The following SCAPER variants were observed in gnomAD, a reference collection of about 807,000 sequenced individuals.
SCAPER encodes the protein S phase cyclin A-associated protein in the endoplasmic reticulum.
SCAPER carries 98 observed loss-of-function variants against 182.2 expected under a neutral mutation model. The observed-to-expected ratio is 0.54, with a 90% CI of 0.46 to 0.64. SCAPER has a LOEUF of 0.64. SCAPER is among the 30% of genes least tolerant of loss of function. SCAPER has a pLI of 0.00. For missense variants in SCAPER, 1,432 were observed against 1,690.0 expected, an observed-to-expected ratio of 0.85 and a Z score of 2.68; for synonymous variants, 605 against 564.6, an observed-to-expected ratio of 1.07 and a Z score of -1.01.
At chr15:76,435,519 TC>T (rs2047143680) in intron 25 of SCAPER, among the ~76,000 whole-genome samples, 1 of 152,160 alleles carries the variant, frequency 6.6e-6, no homozygotes, top group South Asian at 2.1e-4. Flanking sequence ...CCACCCTCTT[TC>T]TCTAACCTAG....
chr15:76,538,763 A>G (rs968882132), intron 23 of SCAPER, among the ~76,000 whole-genome samples: 54 of 152,308 alleles, frequency 3.5e-4, no homozygotes, highest in African/African-American at 1.3e-3. Flanking sequence ...TTTATCGATC[A>G]TGCCTAGTTT....
chr15:76,865,705 A>G (rs1437193456), intron 2 of SCAPER, among the ~76,000 whole-genome samples: 1 of 152,132 alleles, frequency 6.6e-6, no homozygotes, highest in African/African-American at 2.4e-5. Context: ...CAACTCGCCA[A>G]CTAATATCCA....
At chr15:76,619,801 G>A (rs1408411189) in intron 22 of SCAPER, among the ~76,000 whole-genome samples, 1 of 151,966 alleles carries the variant, frequency 6.6e-6, no homozygotes, top group Admixed American at 6.6e-5. Context: ...TTAAAGGTCG[G>A]GCACGATGGC....
chr15:76,622,783 T>C (rs1225973337), intron 21 of SCAPER, among the ~76,000 whole-genome samples: 1 of 152,198 alleles, frequency 6.6e-6, no homozygotes, highest in Non-Finnish European at 1.5e-5. Flanking sequence ...ATATCACAAG[T>C]ATCTAAAAAT....
Position 76,529,670 on chromosome 15 carries a change from T to C in SCAPER, c.2839-24696A>G, listed in dbSNP as rs201536265. The stretch of plus-strand genomic sequence containing the variant: ...ATGCAACTATCTTGAGAAAGAACTT[T>C]CAGGCAGAGAGAAGAGTAAGTGCCA... On this transcript the variant is annotated intron_variant, in intron 23 of 31. Transcript: ENST00000563290. Among the ~76,000 whole-genome samples, 21 of 152,290 alleles carry C rather than the reference T, an allele frequency of 1.4e-4. No homozygotes were observed. In the East Asian group the frequency reaches 2.9e-3, roughly 21 times the overall value.
intron 15 of SCAPER, among the ~76,000 whole-genome samples, chr15:76,737,842 C>T (rs1293553596): frequency 6.6e-6 from 1 of 152,184 alleles, no homozygotes; most frequent in Non-Finnish European, 1.5e-5. Context: ...AAGAATCAAC[C>T]TCTGCTATCT....
At chr15:76,707,701 G>A (rs2059329410) in intron 17 of SCAPER, among the ~76,000 whole-genome samples, 1 of 152,176 alleles carries the variant, frequency 6.6e-6, no homozygotes, top group South Asian at 2.1e-4. Flanking sequence ...CAGAACTACA[G>A]AGAAAATCAG....
At chr15:76,449,653 T>C (rs1459313535) in intron 25 of SCAPER, among the ~76,000 whole-genome samples, 1 of 152,212 alleles carries the variant, frequency 6.6e-6, no homozygotes, top group Non-Finnish European at 1.5e-5. Flanking sequence ...CTTATTTCCC[T>C]CTATCTGGTG....
Position 76,832,651 on chromosome 15 carries a change from T to A in SCAPER, c.393+9083A>T, listed in dbSNP as rs536910584. 1.4e-4 allele frequency among the ~76,000 whole-genome samples: 21 copies of A among 152,288 alleles called. No individual in the cohort carries two copies. In the South Asian group the frequency reaches 3.1e-3, roughly 23 times the overall value. ...GGCCTAGTGGGAGGTGACTGAATCATGAGGGTGAATCCTTTATGAACGGCT... is the reference window on the plus strand; with the variant it reads ...GGCCTAGTGGGAGGTGACTGAATCAAGAGGGTGAATCCTTTATGAACGGCT... On this transcript the variant is annotated intron_variant, in intron 5 of 31. Coordinates refer to ENST00000563290, the MANE Select transcript of SCAPER (RefSeq NM_020843.4).
At chr15:76,792,313 G>A (rs1455450686) in intron 8 of SCAPER, among the ~76,000 whole-genome samples, 1 of 152,060 alleles carries the variant, frequency 6.6e-6, no homozygotes, top group East Asian at 1.9e-4. Context: ...TAGATCATGA[G>A]ATACAGGTCT....
At chr15:76,748,003 T>A (rs932598181) in intron 15 of SCAPER, among the ~76,000 whole-genome samples, 1 of 151,788 alleles carries the variant, frequency 6.6e-6, no homozygotes, top group African/African-American at 2.4e-5. Flanking sequence ...TTCCTTTTTT[T>A]TTTTGAGACG....
intron 26 of SCAPER, among the ~76,000 whole-genome samples, chr15:76,415,262 T>G (rs1467855115): frequency 6.6e-6 from 1 of 152,210 alleles, no homozygotes; most frequent in African/African-American, 2.4e-5. Flanking sequence ...GGTATCAACT[T>G]TTTTGGTATT....
intron 25 of SCAPER, among the ~76,000 whole-genome samples, chr15:76,436,754 C>T (rs2047224576): frequency 6.6e-6 from 1 of 152,074 alleles, no homozygotes; most frequent in African/African-American, 2.4e-5. Flanking sequence ...ATGAATATAT[C>T]AGTGTATCAC....
intron 4 of SCAPER, among the ~76,000 whole-genome samples, chr15:76,850,481 A>T (rs2070626946): frequency 6.6e-6 from 1 of 152,234 alleles, no homozygotes; most frequent in South Asian, 2.1e-4. Flanking sequence ...GAACTCCAGT[A>T]ATTCAAATGA....
intron 20 of SCAPER, among the ~76,000 whole-genome samples, chr15:76,669,093 G>C (rs1368813326): frequency 1.3e-5 from 2 of 152,090 alleles, no homozygotes; most frequent in South Asian, 2.1e-4. Flanking sequence ...TTTAAACCCA[G>C]ACAGTGTGAT....
chr15:76,817,819 A>T (rs1290823026), intron 5 of SCAPER, among the ~76,000 whole-genome samples: 1 of 152,206 alleles, frequency 6.6e-6, no homozygotes, highest in African/African-American at 2.4e-5. Context: ...TGATAAAAAA[A>T]ATTAGAAAAC....
In SCAPER at chr15:76,702,998, T is replaced by C; in HGVS notation, c.2252A>G (p.Asp751Gly). ...TTCCATGTGCCTTCGAATACTTTCA[T>C]CATGCTGTAGATGAAGTCAAAGTGC... is the stretch of plus-strand genomic sequence containing the variant. ...ELQKKIQLKH[D>G]ESIRRHMEQI... Residue 751 changes from aspartate (D) to glycine (G), a missense_variant, in exon 19 of 32, where the codon GAT (aspartate) becomes GGT (glycine). Asp to Gly is a moderately conservative substitution (Grantham distance 94). This residue lies in a region of SCAPER where 718 missense variants were observed against 799.7 expected (regional missense o/e 0.90). Transcript: ENST00000563290. 1 of 1,567,242 alleles carries C rather than the reference T, an allele frequency of 6.4e-7. No individual in the cohort carries two copies. Among genetic ancestry groups the C allele is most frequent in the East Asian group, 2.4e-5 (1 of 42,150 alleles).
At chr15:76,541,550 T>C (rs1231970546) in intron 23 of SCAPER, among the ~76,000 whole-genome samples, 1 of 152,236 alleles carries the variant, frequency 6.6e-6, no homozygotes, top group African/African-American at 2.4e-5. Context: ...ACATGTAAGA[T>C]GGGCTTACGG....
At chr15:76,616,632 T>G (rs371347361) in intron 22 of SCAPER, among the ~76,000 whole-genome samples, 11 of 152,188 alleles carry the variant, frequency 7.2e-5, no homozygotes, top group African/African-American at 1.4e-4. Context: ...GCTATATGTA[T>G]TTCATCACCA....
Sources: gnomAD v4.1 joint callset for allele counts (sites outside exome capture counted in the v4.1 genomes callset) on GRCh38, gnomAD v4.1.1 for gene constraint, gnomAD v4.1.1 regional missense constraint, MANE v1.5 for transcripts, NCBI Gene and HGNC (gene_info 2026-07-23, HGNC 2026-07-21) for gene names.